Variants in MARCHF6 observed in about 807,000 individuals in gnomAD.
The protein encoded by MARCHF6 is membrane associated ring-CH-type finger 6, also known as E3 ubiquitin-protein ligase MARCHF6.
MARCHF6 carries 31 observed loss-of-function variants against 133.7 expected under a neutral mutation model. The observed-to-expected ratio is 0.23, with a 90% CI of 0.17 to 0.31. The LOEUF (loss-of-function observed/expected upper bound fraction) is 0.31. MARCHF6 is among the 10% of genes least tolerant of loss of function. The pLI is 1.00. For synonymous variants in MARCHF6, 395 were observed against 402.5 expected, an observed-to-expected ratio of 0.98 and a Z score of 0.22; for missense variants, 723 against 1,121.6, an observed-to-expected ratio of 0.64 and a Z score of 5.08.
chr5:10,419,259 A>G (rs1739701198), intron 22 of MARCHF6, among the ~76,000 whole-genome samples: 3 of 152,300 alleles, frequency 2.0e-5, no homozygotes, highest in South Asian at 4.1e-4. Context: ...GTATTCAGTA[A>G]ATTGCATGAG....
chr5:10,432,967 A>G (rs1249768893), intron 25 of MARCHF6, among the ~76,000 whole-genome samples: 1 of 148,608 alleles, frequency 6.7e-6, no homozygotes, highest in Non-Finnish European at 1.5e-5. Flanking sequence ...CAGTGGCACA[A>G]TTTCAGTTCA....
intron 1 of MARCHF6, among the ~76,000 whole-genome samples, chr5:10,370,207 C>A (rs1736389212): frequency 7.1e-6 from 1 of 139,902 alleles, no homozygotes; most frequent in South Asian, 2.4e-4. Flanking sequence ...CTCAAGCAAT[C>A]TTTCTGCCTT....
chr5:10,407,118 T>C lies in MARCHF6; in HGVS notation c.1469T>C (p.Ile490Thr), dbSNP rs1389284053. The part of the protein sequence containing the change: ...FILSVIVFGS[I>T]VLLMLWLPIR... Reference sequence around the variant, plus strand: ...CTTCTGCAGATTGTCTTTGGCTCCATTGTCCTCCTGATGCTTTGGCTTCCT... The same window carrying C: ...CTTCTGCAGATTGTCTTTGGCTCCACTGTCCTCCTGATGCTTTGGCTTCCT... The change falls in exon 17 of 26, where the codon ATT becomes ACT. Residue 490 changes from isoleucine (I) to threonine (T), a missense_variant. Physicochemically the swap from Ile to Thr is moderately conservative, Grantham distance 89. Transcript: ENST00000274140. 1 of 1,611,420 alleles carries C rather than the reference T, an allele frequency of 6.2e-7. No individual in the cohort carries two copies. Among genetic ancestry groups the C allele is most frequent in the Non-Finnish European group, 8.5e-7 (1 of 1,177,918 alleles).
intron 4 of MARCHF6, among the ~76,000 whole-genome samples, chr5:10,383,053 A>G (rs1456497058): frequency 6.6e-6 from 1 of 152,128 alleles, no homozygotes; most frequent in African/African-American, 2.4e-5. Context: ...TTAGAGTTAA[A>G]CTAAATGTTT....
chr5:10,406,607 C>G (rs1184894551), intron 16 of MARCHF6, among the ~76,000 whole-genome samples: 5 of 151,976 alleles, frequency 3.3e-5, no homozygotes, highest in African/African-American at 1.2e-4. Context: ...CCAGGTTGGT[C>G]TCGAACTCCT....
intron 22 of MARCHF6, among the ~76,000 whole-genome samples, chr5:10,419,021 G>A (rs1381942581): frequency 1.3e-5 from 2 of 152,196 alleles, no homozygotes; most frequent in East Asian, 3.8e-4. Flanking sequence ...GGAGGGAGAT[G>A]GGCAGACCTG....
At chr5:10,403,266 G>A (rs1738656960) in intron 14 of MARCHF6, 141 bp from the exon 15 acceptor site, 11 of 712,164 alleles carry the variant, frequency 1.5e-5, no homozygotes, top group East Asian at 5.4e-5. Context: ...CTGTGACACC[G>A]TGGAATGACA....
chr5:10,357,830 G>A (rs1215556290), intron 1 of MARCHF6, among the ~76,000 whole-genome samples: 1 of 152,152 alleles, frequency 6.6e-6, no homozygotes, highest in Non-Finnish European at 1.5e-5. Flanking sequence ...TTCTTTCATA[G>A]AGCTTACATT....
At chr5:10,394,007 T>C (rs571429975) in intron 7 of MARCHF6, 75 bp from the exon 8 acceptor site, 88 of 856,348 alleles carry the variant, frequency 1.0e-4, no homozygotes, top group Non-Finnish European at 1.3e-4. Flanking sequence ...TTTTACTATT[T>C]TTAGTGCATT....
intron 1 of MARCHF6, among the ~76,000 whole-genome samples, chr5:10,357,886 T>G (rs1297997620): frequency 6.6e-6 from 1 of 151,732 alleles, no homozygotes; most frequent in Non-Finnish European, 1.5e-5. Flanking sequence ...TTATATGGCA[T>G]AACTAGAAGG....
chr5:10,377,034 T>C (rs756395040), intron 1 of MARCHF6, among the ~76,000 whole-genome samples: 4 of 152,138 alleles, frequency 2.6e-5, no homozygotes, highest in Non-Finnish European at 5.9e-5. Flanking sequence ...GTAGGAGCTT[T>C]AGAGCGAGAG....
intron 15 of MARCHF6, among the ~76,000 whole-genome samples, chr5:10,404,707 G>C (rs1738775431): frequency 6.6e-6 from 1 of 152,190 alleles, no homozygotes; most frequent in Non-Finnish European, 1.5e-5. Flanking sequence ...GCTGCTCTTG[G>C]TGTACTTTGT....
chr5:10,428,784 A>G (rs980077895), intron 24 of MARCHF6, among the ~76,000 whole-genome samples: 3 of 152,194 alleles, frequency 2.0e-5, no homozygotes, highest in Non-Finnish European at 4.4e-5. Flanking sequence ...GCCCATTAAT[A>G]GTATATAGAC....
intron 1 of MARCHF6, among the ~76,000 whole-genome samples, chr5:10,374,684 G>C (rs570653881): frequency 6.6e-5 from 10 of 152,326 alleles, no homozygotes; most frequent in African/African-American, 9.6e-5. Flanking sequence ...GAAGGTGAAA[G>C]TGGGAAGTTT....
chr5:10,354,811 C>T (rs1008313682), intron 1 of MARCHF6: 1 of 152,022 alleles, frequency 6.6e-6, no homozygotes, highest in Non-Finnish European at 1.5e-5. Flanking sequence ...GGGGTATGAG[C>T]GTCTTTCAAC....
chr5:10,409,134 T>C (rs1231807722), intron 17 of MARCHF6, among the ~76,000 whole-genome samples: 3 of 152,240 alleles, frequency 2.0e-5, no homozygotes, highest in African/African-American at 7.2e-5. Flanking sequence ...TATTTGGATC[T>C]TAATGCTTTG....
intron 3 of MARCHF6, among the ~76,000 whole-genome samples, chr5:10,380,820 G>T (rs1431905307): frequency 6.6e-6 from 1 of 152,020 alleles, no homozygotes; most frequent in Non-Finnish European, 1.5e-5. Context: ...CCAGCTACTT[G>T]GGAGCCTGAG....
chr5:10,406,758 G>A (rs1738916311), intron 16 of MARCHF6, among the ~76,000 whole-genome samples: 1 of 152,178 alleles, frequency 6.6e-6, no homozygotes, highest in Admixed American at 6.5e-5. Context: ...CATGGGGCAA[G>A]TCTTAGCTGG....
At chr5:10,428,331 G>GTTTTTTTTT (rs10604024) in intron 24 of MARCHF6, among the ~76,000 whole-genome samples, 1 of 75,782 alleles carries the variant, frequency 1.3e-5, no homozygotes, top group Non-Finnish European at 2.3e-5. Context: ...TTGCTTTTTA[G>GTTTTTTTTT]TTTTTTTTTT....
Sources: allele counts gnomAD v4.1 joint callset (sites outside exome capture counted in the v4.1 genomes callset), GRCh38; gene constraint gnomAD v4.1.1; transcripts MANE v1.5; gene names NCBI Gene and HGNC (gene_info 2026-07-23, HGNC 2026-07-21).